The following GPR37 variants were observed in gnomAD, a reference collection of about 807,000 sequenced individuals.
GPR37 encodes the protein prosaposin receptor GPR37.
Under a neutral mutation model 43.6 loss-of-function variants are expected in GPR37, and 20 were observed. The ratio of observed to expected loss-of-function variants is 0.46; its 90% CI spans 0.32 to 0.67. The LOEUF is 0.67. GPR37 is among the 30% of genes least tolerant of loss of function. GPR37 has a pLI of 0.03. For missense variants in GPR37, 724 were observed against 797.2 expected, an observed-to-expected ratio of 0.91 and a Z score of 1.11; for synonymous variants, 315 against 322.6, an observed-to-expected ratio of 0.98 and a Z score of 0.25.
At chr7:124,762,032 G>A (rs982410219) in intron 1 of GPR37, among the ~76,000 whole-genome samples, 4 of 151,944 alleles carry the variant, frequency 2.6e-5, no homozygotes, top group African/African-American at 4.8e-5. Context: ...CAAAAATACA[G>A]AAAGTAAAAG....
Position 124,763,839 on chromosome 7 carries a change from C to G in GPR37, c.1023+115G>C, listed in dbSNP as rs112891082. On this transcript the variant is annotated intron_variant, in intron 1 of 1. Coordinates refer to ENST00000303921, the MANE Select transcript of GPR37 (RefSeq NM_005302.5). ...TTGGAAAGAGAAATGAAAGAGGGCCCCAGATAAAAAGGAAAGGCGTTCAGC... is the reference window on the plus strand; with the variant it reads ...TTGGAAAGAGAAATGAAAGAGGGCCGCAGATAAAAAGGAAAGGCGTTCAGC... 823 of 875,170 alleles carry G rather than the reference C, an allele frequency of 9.4e-4. 8 individuals carry two copies. The African/African-American group carries it at 0.01, about 11-fold the overall frequency. 54.2% of individuals were successfully genotyped at this position (875,170 alleles called of 1,614,324 possible).
At position 124,745,239 on chromosome 7, in the gene GPR37, AT is replaced by A. The variant is rs1445710409; in HGVS notation, c.*1285del. 6.6e-6 allele frequency among the ~76,000 whole-genome samples: 1 copy of A among 152,106 alleles called. No individual in the cohort carries two copies. Among genetic ancestry groups the A allele is most frequent in the African/African-American group, 2.4e-5 (1 of 41,428 alleles). On this transcript the variant is annotated 3_prime_UTR_variant, in exon 2 of 2. Coordinates refer to ENST00000303921, the MANE Select transcript of GPR37 (RefSeq NM_005302.5). ...AGAAAACTGGGTTCTCTATAACAAG[AT>A]TTTTCTGAAGACAAAGACATCCAAC...
intron 1 of GPR37, among the ~76,000 whole-genome samples, chr7:124,751,032 A>T (rs966685838): frequency 6.6e-6 from 1 of 152,144 alleles, no homozygotes; most frequent in Admixed American, 6.5e-5. Context: ...GAATTAAGGA[A>T]TCCTCCCCAG....
intron 1 of GPR37, among the ~76,000 whole-genome samples, chr7:124,753,649 C>G (rs1034923080): frequency 6.6e-6 from 1 of 151,750 alleles, no homozygotes; most frequent in Non-Finnish European, 1.5e-5. Flanking sequence ...CAGAAAGAAA[C>G]CAACAAAAAA....
At chr7:124,753,047 C>A (rs1322570566) in intron 1 of GPR37, among the ~76,000 whole-genome samples, 1 of 151,866 alleles carries the variant, frequency 6.6e-6, no homozygotes, top group Non-Finnish European at 1.5e-5. Context: ...TTACTTTAGT[C>A]ATTTAGAAAA....
intron 1 of GPR37, among the ~76,000 whole-genome samples, chr7:124,749,526 T>A (rs766215897): frequency 1.3e-5 from 2 of 152,140 alleles, no homozygotes; most frequent in Non-Finnish European, 2.9e-5. Flanking sequence ...ACATTAGTTG[T>A]TTATCTACTA....
In GPR37 at chr7:124,746,573, G is replaced by A. The variant is rs1221574060; in HGVS notation, c.1794C>T (p.Thr598=). 6.2e-7 allele frequency: 1 copy of A among 1,613,438 alleles called. No individual in the cohort carries two copies. Among genetic ancestry groups the A allele is most frequent in the East Asian group, 2.2e-5 (1 of 44,878 alleles). ...TTELELSPFS[T]IRREMSTFAS... Reference sequence around the variant, plus strand: ...CAAAAGTGGACATTTCACGGCGTATGGTACTGAAAGGCGAGAGTTCGAGTT... The same window carrying A: ...CAAAAGTGGACATTTCACGGCGTATAGTACTGAAAGGCGAGAGTTCGAGTT... Residue 598 remains threonine, a synonymous_variant, in exon 2 of 2, where the codon ACC becomes ACT. Transcript: ENST00000303921.
rs1562960777 is a variant in GPR37 at position 124,764,133 on chromosome 7, C to A, written c.844G>T (p.Val282Leu). ...FGTGIIGNLAVMCIVCHNYYM... is the reference protein window; with the variant it reads ...FGTGIIGNLALMCIVCHNYYM... Reference sequence around the variant, plus strand: ...TAGTTGTGGCACACGATGCACATCACCGCCAGGTTGCCAATGATGCCGGTC... The same window carrying A: ...TAGTTGTGGCACACGATGCACATCAACGCCAGGTTGCCAATGATGCCGGTC... The change falls in exon 1 of 2, where the codon GTG (valine) becomes TTG (leucine). Residue 282 changes from valine to leucine, a missense_variant. Val to Leu is a conservative substitution (Grantham distance 32, BLOSUM62 1). Coordinates refer to ENST00000303921, the MANE Select transcript of GPR37 (RefSeq NM_005302.5). This position sits in a 1 kb window ranked among gnomAD's most constrained non-coding sequence, Gnocchi z 5.4. 6.2e-7 allele frequency: 1 copy of A among 1,609,802 alleles called. No individual in the cohort carries two copies. The highest frequency in any genetic ancestry group is 1.1e-5 in the South Asian group (1 of 90,426).
chr7:124,764,502 C>A lies in GPR37; in HGVS notation c.475G>T (p.Ala159Ser), dbSNP rs769813741. Reference protein sequence around the residue: ...SEEEEKGPRGAGISGRSQEQS... With the variant: ...SEEEEKGPRGSGISGRSQEQS... ...TCCTGGCTACGCCCGGAAATGCCAGCGCCTCTGGGACCCTTCTCTTCCTCC... is the reference window on the plus strand; with the variant it reads ...TCCTGGCTACGCCCGGAAATGCCAGAGCCTCTGGGACCCTTCTCTTCCTCC... The change falls in exon 1 of 2, where the codon GCT (alanine) becomes TCT (serine). Residue 159 changes from alanine to serine, a missense_variant. By Grantham distance (99) the Ala-to-Ser change is moderately conservative. This residue lies in a region of GPR37 where 382 missense variants were observed against 355.4 expected (regional missense o/e 1.07). Transcript: ENST00000303921. The surrounding 1 kb of genome is among the most constrained non-coding windows in gnomAD (Gnocchi z 5.4). 4 of 1,613,644 alleles carry A rather than the reference C, an allele frequency of 2.5e-6. No individual in the cohort carries two copies. The highest frequency in any genetic ancestry group is 1.7e-6 in the Non-Finnish European group (2 of 1,180,036).
intron 1 of GPR37, among the ~76,000 whole-genome samples, chr7:124,750,726 G>T (rs987312798): frequency 6.6e-6 from 1 of 152,142 alleles, no homozygotes; most frequent in African/African-American, 2.4e-5. Flanking sequence ...GGGTGTGTTA[G>T]ATTACCAACT....
rs913025182 is a variant in GPR37 at position 124,746,465 on chromosome 7, A to C, written c.*60T>G. On this transcript the variant is annotated 3_prime_UTR_variant, in exon 2 of 2. Transcript: ENST00000303921. ...TCCCTATAAGGAAAAATATGAATTA[A>C]AAACTTTCACGGGATATGAAAATCA... The C allele has an allele frequency of 4.7e-6, 6 of 1,289,930 alleles. No homozygotes were observed. The African/African-American group carries it at 8.9e-5, about 19-fold the overall frequency. The allele number at this position is 1,289,930 out of a possible 1,614,324, so 79.9% of individuals were successfully genotyped here.
chr7:124,751,304 C>T (rs1356598303), intron 1 of GPR37, among the ~76,000 whole-genome samples: 2 of 152,232 alleles, frequency 1.3e-5, no homozygotes, highest in East Asian at 1.9e-4. Context: ...CTCCTGCTGC[C>T]ACTGCCTGCA....
At position 124,765,065 on chromosome 7, in the gene GPR37, A is replaced by C. The variant is rs1023101178; in HGVS notation, c.-89T>G. On this transcript the variant is annotated 5_prime_UTR_variant, in exon 1 of 2. The change abolishes an upstream ATG in the 5' untranslated region. Coordinates refer to ENST00000303921, the MANE Select transcript of GPR37 (RefSeq NM_005302.5). ...GAAGTTGCTGCTGAGAGTTAGGCAC[A>C]TGTCACATACTCACCCCCGCCCGGG... is the stretch of plus-strand genomic sequence containing the variant. The C allele has an allele frequency of 7.9e-7, 1 of 1,258,206 alleles. No individual in the cohort carries two copies. Among genetic ancestry groups the C allele is most frequent in the Non-Finnish European group, 1.1e-6 (1 of 947,610 alleles). The allele number at this position is 1,258,206 out of a possible 1,614,324, so 77.9% of individuals were successfully genotyped here.
intron 1 of GPR37, among the ~76,000 whole-genome samples, chr7:124,761,007 A>G (rs937664718): frequency 3.9e-5 from 6 of 152,010 alleles, no homozygotes; most frequent in Non-Finnish European, 5.9e-5. Context: ...AATACAAAAA[A>G]AATTAGCCGG....
rs191218093 is a variant in GPR37 at position 124,763,351 on chromosome 7, A to T, written c.1023+603T>A. 8.3e-4 allele frequency among the ~76,000 whole-genome samples: 127 copies of T among 152,352 alleles called. 1 individual carries two copies. The highest frequency in any genetic ancestry group is 6.8e-3 in the Middle Eastern group (2 of 294). On this transcript the variant is annotated intron_variant, in intron 1 of 1. Transcript: ENST00000303921. ...AAAGACAGGAACAAAAAATGACTTAAGAATTTAGATGGGATAGCATGGAAG... is the reference window on the plus strand; with the variant it reads ...AAAGACAGGAACAAAAAATGACTTATGAATTTAGATGGGATAGCATGGAAG...
intron 1 of GPR37, among the ~76,000 whole-genome samples, chr7:124,749,065 C>T (rs761728902): frequency 3.3e-5 from 5 of 152,064 alleles, no homozygotes; most frequent in Non-Finnish European, 5.9e-5. Flanking sequence ...TCCCTTCCCT[C>T]AAGCATATCA....
intron 1 of GPR37, among the ~76,000 whole-genome samples, chr7:124,752,139 A>T (rs543821644): frequency 2.7e-4 from 41 of 152,198 alleles, no homozygotes; most frequent in African/African-American, 9.4e-4. Flanking sequence ...CCCAGCCCAC[A>T]TGTGGAGCAG....
intron 1 of GPR37, among the ~76,000 whole-genome samples, chr7:124,756,727 G>C (rs1793795821): frequency 6.6e-6 from 1 of 152,206 alleles, no homozygotes; most frequent in East Asian, 1.9e-4. Flanking sequence ...TGCAGAGGCA[G>C]AGACAAACTG....
intron 1 of GPR37, among the ~76,000 whole-genome samples, chr7:124,761,376 G>A (rs941812600): frequency 1.3e-5 from 2 of 152,098 alleles, no homozygotes; most frequent in African/African-American, 2.4e-5. Flanking sequence ...TGCATCCAAT[G>A]TCTTACATCT....
Sources: gnomAD v4.1 joint callset for allele counts (sites outside exome capture counted in the v4.1 genomes callset) on GRCh38, gnomAD v4.1.1 for gene constraint, gnomAD v4.1.1 regional missense constraint, Gnocchi (gnomAD v3.1) non-coding constraint, MANE v1.5 for transcripts, NCBI Gene and HGNC (gene_info 2026-07-23, HGNC 2026-07-21) for gene names.